Variants in CCNY observed in about 807,000 individuals in gnomAD.
CCNY encodes cyclin-Y.
A neutral mutation model predicts 42.8 loss-of-function variants in CCNY; 19 were observed. That is an observed-to-expected ratio of 0.44 (90% CI 0.31 to 0.65). The LOEUF is 0.65. Among genes scored for constraint, CCNY ranks in the 30% least tolerant of loss-of-function variants. The pLI, the probability that CCNY is intolerant of heterozygous loss-of-function variation, is 0.07. For missense variants in CCNY, 370 were observed against 437.3 expected (o/e 0.85, Z 1.37); for synonymous variants, 165 against 162.7 (o/e 1.01, Z -0.11).
At chr10:35,514,712 C>G (rs1212246800) in intron 3 of CCNY, among the ~76,000 whole-genome samples, 1 of 152,162 alleles carries the variant, frequency 6.6e-6, no homozygotes, top group African/African-American at 2.4e-5. Flanking sequence ...AATTGAAACC[C>G]ACAAGAAACA....
At chr10:35,393,601 C>T (rs1388834425) in intron 1 of CCNY, among the ~76,000 whole-genome samples, 1 of 152,208 alleles carries the variant, frequency 6.6e-6, no homozygotes, top group African/African-American at 2.4e-5. Flanking sequence ...TTTTTCCTTA[C>T]ATCTTTTCCC....
intron 1 of CCNY, among the ~76,000 whole-genome samples, chr10:35,396,531 G>A (rs776164146): frequency 4.6e-5 from 7 of 152,218 alleles, no homozygotes; most frequent in Non-Finnish European, 7.3e-5. Context: ...AGGGTGCCCC[G>A]ATGTTCTCAC....
chr10:35,372,100 A>T (rs1836949932), intron 1 of CCNY, among the ~76,000 whole-genome samples: 1 of 152,170 alleles, frequency 6.6e-6, no homozygotes, highest in African/African-American at 2.4e-5. Context: ...GCAGATGCAT[A>T]TGTGCTTTGA....
At chr10:35,403,556 G>C (rs930630369) in intron 1 of CCNY, among the ~76,000 whole-genome samples, 7 of 152,158 alleles carry the variant, frequency 4.6e-5, no homozygotes, top group African/African-American at 1.7e-4. Flanking sequence ...TATGACTCCA[G>C]CTTCCTTTGG....
At chr10:35,291,302 C>A (rs369516434) in intron 3 of CCNY, among the ~76,000 whole-genome samples, 1 of 152,022 alleles carries the variant, frequency 6.6e-6, no homozygotes, top group East Asian at 1.9e-4. Context: ...TCATTCCCGG[C>A]CTAATATGAG....
intron 7 of CCNY, among the ~76,000 whole-genome samples, chr10:35,549,103 A>ACCC (rs539948789): frequency 1.9e-4 from 10 of 51,986 alleles, no homozygotes; most frequent in Middle Eastern, 0.01. Flanking sequence ...CACCCACCCC[A>ACCC]CCCCCCCCCG....
chr10:35,390,709 C>T (rs550892418), intron 1 of CCNY, among the ~76,000 whole-genome samples: 2 of 152,332 alleles, frequency 1.3e-5, no homozygotes, highest in African/African-American at 4.8e-5. Context: ...GCTCAGCACA[C>T]TTGCTGCCAA....
At chr10:35,469,859 GATGGAGAGACAGGGAGATAGATAGGGCA>G (rs932455694) in intron 1 of CCNY, among the ~76,000 whole-genome samples, 1 of 151,416 alleles carries the variant, frequency 6.6e-6, no homozygotes, top group Non-Finnish European at 1.5e-5. Flanking sequence ...CAGACAGGAA[GATGGAGAGACAGGGAGATAGATAGGGCA>G]ATGGAGAGAC....
intron 3 of CCNY, among the ~76,000 whole-genome samples, chr10:35,317,303 T>C (rs1445320975): frequency 6.6e-6 from 1 of 152,230 alleles, no homozygotes; most frequent in African/African-American, 2.4e-5. Flanking sequence ...CAATAAATAC[T>C]TTCTGATCAC....
At chr10:35,405,900 C>T (rs539238966) in intron 1 of CCNY, among the ~76,000 whole-genome samples, 19 of 152,326 alleles carry the variant, frequency 1.2e-4, no homozygotes, top group Admixed American at 7.2e-4. Context: ...TCCCGGGCTG[C>T]GGGCATTCCT....
rs922633837 is a variant in CCNY at position 35,465,928 on chromosome 10, A to T, written c.155-17476A>T. On this transcript the variant is annotated intron_variant, in intron 1 of 9. Coordinates refer to ENST00000374704, the MANE Select transcript of CCNY (RefSeq NM_145012.6). ...GGAAGAGAGAGAGAGAGAGAGAGAGAGAGAGAGAGAGTGTGTGTGTGTGTG... is the reference window on the plus strand; with the variant it reads ...GGAAGAGAGAGAGAGAGAGAGAGAGTGAGAGAGAGAGTGTGTGTGTGTGTG... Among the ~76,000 whole-genome samples, 939 of 140,880 alleles carry T rather than the reference A, an allele frequency of 6.7e-3. 12 individuals carry two copies. Among genetic ancestry groups the T allele is most frequent in the African/African-American group, 0.025 (900 of 36,406 alleles). 92.4% of individuals were successfully genotyped at this position (140,880 alleles called of 152,430 possible). A position where few individuals can be genotyped will look rare whatever the true frequency, so the allele number is the denominator to read the frequency against.
chr10:35,491,860 C>T (rs531415369), intron 2 of CCNY, among the ~76,000 whole-genome samples: 7 of 151,782 alleles, frequency 4.6e-5, no homozygotes, highest in East Asian at 1.9e-4. Flanking sequence ...TGATCCCACC[C>T]GCCTCGGCCC....
At chr10:35,521,997 A>G (rs1417031475) in intron 4 of CCNY, among the ~76,000 whole-genome samples, 3 of 152,216 alleles carry the variant, frequency 2.0e-5, no homozygotes, top group African/African-American at 7.2e-5. Flanking sequence ...AAATTTGACA[A>G]GACCTTCTAA....
intron 1 of CCNY, among the ~76,000 whole-genome samples, chr10:35,374,144 T>C (rs1300229854): frequency 6.6e-6 from 1 of 152,230 alleles, no homozygotes; most frequent in Non-Finnish European, 1.5e-5. Context: ...TATTGAATGA[T>C]TTATATTTTT....
At chr10:35,436,990 C>T (rs772708202) in intron 1 of CCNY, among the ~76,000 whole-genome samples, 2 of 152,052 alleles carry the variant, frequency 1.3e-5, no homozygotes, top group African/African-American at 2.4e-5. Context: ...TGGCGGAAGG[C>T]GGAAGACATG....
intron 1 of CCNY, among the ~76,000 whole-genome samples, chr10:35,423,153 T>G (rs1025989121): frequency 6.6e-5 from 10 of 152,152 alleles, no homozygotes; most frequent in South Asian, 6.2e-4. Context: ...CATTTCCACT[T>G]TTTTTTATAG....
intron 3 of CCNY, among the ~76,000 whole-genome samples, chr10:35,327,269 G>A (rs1835890939): frequency 6.6e-6 from 1 of 152,098 alleles, no homozygotes; most frequent in Non-Finnish European, 1.5e-5. Flanking sequence ...ATTCAGTTTT[G>A]CAATCTGCTT....
intron 7 of CCNY, among the ~76,000 whole-genome samples, chr10:35,549,084 G>T (rs1589198159): frequency 1.4e-5 from 2 of 147,312 alleles, no homozygotes; most frequent in Middle Eastern, 3.5e-3. Flanking sequence ...CCAACTCCGT[G>T]CCCCTCACCA....
chr10:35,564,179 C>A (rs1283067761), intron 8 of CCNY, among the ~76,000 whole-genome samples: 2 of 2,936 alleles, frequency 6.8e-4, no homozygotes, highest in East Asian at 0.05. Flanking sequence ...CACACCCAGC[C>A]TAAATTCTTA....
Sources: gnomAD v4.1 joint callset for allele counts (sites outside exome capture counted in the v4.1 genomes callset) on GRCh38, gnomAD v4.1.1 for gene constraint, MANE v1.5 for transcripts, NCBI Gene and HGNC (gene_info 2026-07-23, HGNC 2026-07-21) for gene names.